NRROS: variants seen among roughly 807,000 people sequenced by gnomAD.
NRROS encodes transforming growth factor beta activator LRRC33.
Under a neutral mutation model 12.0 loss-of-function variants are expected in NRROS, and 6 were observed. The ratio of observed to expected loss-of-function variants is 0.50; its 90% CI spans 0.27 to 0.98. The LOEUF is 0.98. Ranked by LOEUF, NRROS falls within the 50% of genes least tolerant of loss-of-function variation. The pLI is 0.11. For synonymous variants in NRROS, 462 were observed against 410.2 expected (o/e 1.13, Z -1.53); for missense variants, 857 against 888.2 (o/e 0.96, Z 0.45).
Position 196,660,363 on chromosome 3 carries a change from G to A in NRROS, c.720G>A (p.Trp240Ter). The A allele has an allele frequency of 1.2e-6, 2 of 1,614,104 alleles. No homozygotes were observed. The highest frequency in any genetic ancestry group is 1.7e-6 in the Non-Finnish European group (2 of 1,180,016). ...ACGTCAGCTACAACGTCCTGGAGTG[G>A]TTCCTCGCGACCGGGGGAGAGGCTG... The part of the protein sequence containing the change: ...VLNVSYNVLE[W>*]FLATGGEAAF... Residue 240 changes from tryptophan to a stop codon, truncating the protein, a stop_gained, in exon 3 of 3, where the codon TGG becomes TGA. Coordinates refer to ENST00000328557, the MANE Select transcript of NRROS (RefSeq NM_198565.3). LOFTEE classifies it low-confidence loss of function (END_TRUNC). The surrounding 1 kb of genome is among the most constrained non-coding windows in gnomAD (Gnocchi z 7.7).
intron 1 of NRROS, among the ~76,000 whole-genome samples, chr3:196,645,608 C>G (rs565657610): frequency 2.0e-5 from 3 of 152,126 alleles, no homozygotes; most frequent in Non-Finnish European, 2.9e-5. Flanking sequence ...ATGCAGACCT[C>G]GAACACCACT....
intron 1 of NRROS, among the ~76,000 whole-genome samples, chr3:196,640,647 G>A (rs531248044): frequency 1.8e-4 from 28 of 152,324 alleles, no homozygotes; most frequent in African/African-American, 6.5e-4. Flanking sequence ...GGCTTCTGAA[G>A]GGGTCAGCGT....
chr3:196,653,659 C>G (rs1171490797), intron 1 of NRROS, among the ~76,000 whole-genome samples: 1 of 152,348 alleles, frequency 6.6e-6, no homozygotes, highest in South Asian at 2.1e-4. Context: ...CATCGGAGCT[C>G]GGGGAGCGAG....
chr3:196,660,814 C>T lies in NRROS; in HGVS notation c.1171C>T (p.Leu391=). The change falls in exon 3 of 3, where the codon CTG becomes TTG. Residue 391 remains leucine (L), a synonymous_variant. Coordinates refer to ENST00000328557, the MANE Select transcript of NRROS (RefSeq NM_198565.3). This position sits in a 1 kb window ranked among gnomAD's most constrained non-coding sequence, Gnocchi z 7.7. ...CCTGAGCCACAACCAGCTGTCGGAG[C>T]TGCACCTGGCTCCGGGGCTGGCCAG... ...LDLSHNQLSE[L]HLAPGLASCL... 6.8e-6 allele frequency: 11 copies of T among 1,613,700 alleles called. No homozygotes were observed. Among genetic ancestry groups the T allele is most frequent in the Non-Finnish European group, 8.5e-6 (10 of 1,180,030 alleles).
rs750543550 is a variant in NRROS at position 196,659,871 on chromosome 3, C to T, written c.228C>T (p.Ser76=). 1 of 1,614,034 alleles carries T rather than the reference C, an allele frequency of 6.2e-7. No homozygotes were observed. Among genetic ancestry groups the T allele is most frequent in the Non-Finnish European group, 8.5e-7 (1 of 1,180,012 alleles). Residue 76 remains serine, a synonymous_variant, in exon 3 of 3, where the codon TCC becomes TCT. Coordinates refer to ENST00000328557, the MANE Select transcript of NRROS (RefSeq NM_198565.3). ...CTCTCAAGACCCTGTGGAATCACTCCCTCCAGCCTTACCCTCTCCTGGAGA... is the reference window on the plus strand; with the variant it reads ...CTCTCAAGACCCTGTGGAATCACTCTCTCCAGCCTTACCCTCTCCTGGAGA... The part of the protein sequence containing the change: ...ANPLKTLWNH[S]LQPYPLLESL...
intron 1 of NRROS, among the ~76,000 whole-genome samples, chr3:196,647,595 G>A (rs746363213): frequency 1.3e-5 from 2 of 152,172 alleles, no homozygotes; most frequent in African/African-American, 2.4e-5. Flanking sequence ...GTCCCACTTC[G>A]TTGTCCAGGC....
chr3:196,643,673 G>T (rs925198241), intron 1 of NRROS, among the ~76,000 whole-genome samples: 2 of 152,198 alleles, frequency 1.3e-5, no homozygotes, highest in Non-Finnish European at 2.9e-5. Flanking sequence ...CCCACCCATG[G>T]GTACACATCG....
At chr3:196,642,635 G>A (rs1490460439) in intron 1 of NRROS, among the ~76,000 whole-genome samples, 1 of 152,180 alleles carries the variant, frequency 6.6e-6, no homozygotes, top group Non-Finnish European at 1.5e-5. Flanking sequence ...CACGGGCCCA[G>A]CCTTACTCAT....
chr3:196,661,261 G>C lies in NRROS; in HGVS notation c.1618G>C (p.Asp540His), dbSNP rs776276349. The C allele has an allele frequency of 6.2e-7, 1 of 1,613,932 alleles. No individual in the cohort carries two copies. Among genetic ancestry groups the C allele is most frequent in the Middle Eastern group, 1.6e-4 (1 of 6,062 alleles). ...LDFSGFGNLR[D>H]LDLSGNCLTT... ...CTTCTCTGGGTTTGGGAATCTCAGG[G>C]ACTTAGATCTGTCGGGGAATTGCTT... Residue 540 changes from aspartate (D) to histidine (H), a missense_variant, in exon 3 of 3, where the codon GAC becomes CAC. Coordinates refer to ENST00000328557, the MANE Select transcript of NRROS (RefSeq NM_198565.3).
rs148343478 is a variant in NRROS at position 196,661,004 on chromosome 3, G to C, written c.1361G>C (p.Ser454Thr). ...GCCTCGGACCGGGTGGGCCCCCCTA[G>C]CTGTGTGGATTTCAGGAATATGGCA... ...PAASDRVGPP[S>T]CVDFRNMASL... The change falls in exon 3 of 3, where the codon AGC becomes ACC. Residue 454 changes from serine (S) to threonine (T), a missense_variant. Physicochemically the swap from Ser to Thr is moderately conservative, Grantham distance 58. Coordinates refer to ENST00000328557, the MANE Select transcript of NRROS (RefSeq NM_198565.3). The C allele has an allele frequency of 8.7e-6, 14 of 1,614,144 alleles. No homozygotes were observed. The highest frequency in any genetic ancestry group is 1.2e-5 in the Non-Finnish European group (14 of 1,180,022).
At chr3:196,646,804 C>A (rs1329061923) in intron 1 of NRROS, among the ~76,000 whole-genome samples, 1 of 152,200 alleles carries the variant, frequency 6.6e-6, no homozygotes, top group African/African-American at 2.4e-5. Context: ...GACCAGAGAA[C>A]CGGAGAACCG....
Position 196,651,378 on chromosome 3 carries a change from A to G in NRROS, c.-13-3149A>G, listed in dbSNP as rs1048415305. Among the ~76,000 whole-genome samples the G allele has an allele frequency of 2.0e-5, 3 of 152,196 alleles. No individual in the cohort carries two copies. The South Asian group carries it at 6.2e-4, about 31-fold the overall frequency. On this transcript the variant is annotated intron_variant, in intron 1 of 2. Transcript: ENST00000328557. ...ATTTAATGCAAGAAAGTGGCAACAC[A>G]TGGTGGAAAAGGCTGAGAAAGCAAA...
chr3:196,648,036 G>A (rs1405765600), intron 1 of NRROS, among the ~76,000 whole-genome samples: 1 of 152,126 alleles, frequency 6.6e-6, no homozygotes, highest in Non-Finnish European at 1.5e-5. Context: ...AATGTTTCCT[G>A]AGCACCTTTC....
intron 1 of NRROS, among the ~76,000 whole-genome samples, chr3:196,640,684 C>G (rs908576884): frequency 6.6e-6 from 1 of 152,168 alleles, no homozygotes; most frequent in East Asian, 1.9e-4. Flanking sequence ...AGGAGCTAGA[C>G]GGAAAGAAGT....
intron 2 of NRROS, among the ~76,000 whole-genome samples, chr3:196,657,921 C>G (rs2108642090): frequency 6.6e-6 from 1 of 152,228 alleles, no homozygotes. Context: ...TTATTAAGCA[C>G]AGTAAATGTG....
chr3:196,659,892 G>T lies in NRROS; in HGVS notation c.249G>T (p.Leu83=). ...ACTCCCTCCAGCCTTACCCTCTCCT[G>T]GAGAGCCTCAGCCTGCACAGCTGCC... ...WNHSLQPYPL[L]ESLSLHSCHL... The change falls in exon 3 of 3, where the codon CTG becomes CTT. Residue 83 remains leucine (L), a synonymous_variant. Coordinates refer to ENST00000328557, the MANE Select transcript of NRROS (RefSeq NM_198565.3). 2 of 1,614,126 alleles carry T rather than the reference G, an allele frequency of 1.2e-6. No individual in the cohort carries two copies. The highest frequency in any genetic ancestry group is 1.7e-6 in the Non-Finnish European group (2 of 1,179,990).
Position 196,661,174 on chromosome 3 carries a change from C to G in NRROS, c.1531C>G (p.Pro511Ala). 1 of 1,612,850 alleles carries G rather than the reference C, an allele frequency of 6.2e-7. No homozygotes were observed. The highest frequency in any genetic ancestry group is 1.1e-5 in the South Asian group (1 of 90,916). Residue 511 changes from proline (P) to alanine (A), a missense_variant, in exon 3 of 3, where the codon CCC (proline) becomes GCC (alanine). Transcript: ENST00000328557. ...GSLAPLQDVAPMLQVLSLRNM... is the reference protein window; with the variant it reads ...GSLAPLQDVAAMLQVLSLRNM... Reference sequence around the variant, plus strand: ...CCTCGCCCCACTCCAGGATGTTGCCCCCATGTTACAGGTCCTGTCTCTCAG... The same window carrying G: ...CCTCGCCCCACTCCAGGATGTTGCCGCCATGTTACAGGTCCTGTCTCTCAG...
At chr3:196,649,534 T>C (rs188858103) in intron 1 of NRROS, among the ~76,000 whole-genome samples, 10,828 of 152,010 alleles carry the variant, frequency 0.071, 715 homozygotes, top group African/African-American at 0.18. Flanking sequence ...TGCAGTGGCG[T>C]GATCTCGGCT....
chr3:196,652,346 C>G (rs972849851), intron 1 of NRROS, among the ~76,000 whole-genome samples: 8 of 152,176 alleles, frequency 5.3e-5, no homozygotes, highest in Non-Finnish European at 1.5e-5. Context: ...AATTGTGTTA[C>G]TTGCTACCTT....
Sources: gnomAD v4.1 joint callset for allele counts (sites outside exome capture counted in the v4.1 genomes callset) on GRCh38, gnomAD v4.1.1 for gene constraint, Gnocchi (gnomAD v3.1) non-coding constraint, MANE v1.5 for transcripts, NCBI Gene and HGNC (gene_info 2026-07-23, HGNC 2026-07-21) for gene names.